The following CPSF7 variants were observed in gnomAD, a reference collection of about 807,000 sequenced individuals.
CPSF7 encodes the protein cleavage and polyadenylation specific factor 7.
Under a neutral mutation model 44.3 loss-of-function variants are expected in CPSF7, and 1 was observed. The ratio of observed to expected loss-of-function variants is 0.02; its 90% CI spans 0.01 to 0.11. CPSF7 has a LOEUF of 0.11. CPSF7 is among the 10% of genes least tolerant of loss of function. CPSF7 has a pLI of 1.00. For missense variants in CPSF7, 443 were observed against 607.2 expected (o/e 0.73, Z 2.84); for synonymous variants, 202 against 222.0 (o/e 0.91, Z 0.80).
intron 9 of CPSF7, among the ~76,000 whole-genome samples, chr11:61,409,859 G>T (rs1859692643): frequency 6.6e-6 from 1 of 152,036 alleles, no homozygotes; most frequent in Non-Finnish European, 1.5e-5. Flanking sequence ...TGTAGCCCCA[G>T]CTGCTGGGGA....
intron 7 of CPSF7, among the ~76,000 whole-genome samples, chr11:61,413,459 G>A (rs868768882): frequency 2.6e-5 from 4 of 151,610 alleles, no homozygotes; most frequent in Non-Finnish European, 5.9e-5. Flanking sequence ...GGTGAAACCC[G>A]GTCTCTACTA....
intron 5 of CPSF7, among the ~76,000 whole-genome samples, chr11:61,417,504 G>A (rs984374957): frequency 6.6e-6 from 1 of 152,220 alleles, no homozygotes; most frequent in Admixed American, 6.5e-5. Flanking sequence ...CTTGGAGATA[G>A]AAAGATGCCA....
chr11:61,421,120 A>G (rs934866496), intron 3 of CPSF7: 1 of 1,411,122 alleles, frequency 7.1e-7, no homozygotes, highest in African/African-American at 1.4e-5. Context: ...CTCGTCCCTC[A>G]GATGACCCTG....
In CPSF7 at chr11:61,411,832, T is replaced by G; in HGVS notation, c.1163A>C (p.Lys388Thr). The G allele has an allele frequency of 6.2e-7, 1 of 1,614,086 alleles. No homozygotes were observed. Among genetic ancestry groups the G allele is most frequent in the South Asian group, 1.1e-5 (1 of 91,078 alleles). ...ERCRVLISSL[K>T]DCLHGIEAKS... ...GGCTTCGATGCCATGAAGACAGTCC[T>G]TAAGAGAGGAGATGAGGACACGGCA... is the stretch of plus-strand genomic sequence containing the variant. Residue 388 changes from lysine to threonine, a missense_variant, in exon 8 of 10, where the codon AAG (lysine) becomes ACG (threonine). Physicochemically the swap from Lys to Thr is moderately conservative, Grantham distance 78. Coordinates refer to ENST00000439958, the MANE Select transcript of CPSF7 (RefSeq NM_001142565.3).
At position 61,416,505 on chromosome 11, in the gene CPSF7, C is replaced by A. The variant is rs775059418; in HGVS notation, c.538G>T (p.Ala180Ser). 1.1e-5 allele frequency: 18 copies of A among 1,613,938 alleles called. No individual in the cohort carries two copies. Among genetic ancestry groups the A allele is most frequent in the South Asian group, 2.2e-5 (2 of 91,074 alleles). The change falls in exon 6 of 10, where the codon GCC (alanine) becomes TCC (serine). Residue 180 changes from alanine to serine, a missense_variant. Transcript: ENST00000439958. ...GAATCACTAGAATCTCGGGAATGGGCCCGTGGAGGTATTCCTATGAAGCAA... is the reference window on the plus strand; with the variant it reads ...GAATCACTAGAATCTCGGGAATGGGACCGTGGAGGTATTCCTATGAAGCAA... Reference protein sequence around the residue: ...AQARKRIPPRAHSRDSSDSAD... With the variant: ...AQARKRIPPRSHSRDSSDSAD...
At chr11:61,409,757 C>T (rs953341603) in intron 9 of CPSF7, among the ~76,000 whole-genome samples, 17 of 151,664 alleles carry the variant, frequency 1.1e-4, no homozygotes, top group South Asian at 6.2e-4. Context: ...GGGCTGATCA[C>T]GAAGTCAGGA....
chr11:61,422,101 G>C (rs1047541483), intron 2 of CPSF7, among the ~76,000 whole-genome samples: 2 of 152,174 alleles, frequency 1.3e-5, no homozygotes, highest in Non-Finnish European at 1.5e-5. Flanking sequence ...GTACAAAAAT[G>C]CAGAAAAGAT....
In CPSF7 at chr11:61,420,058, G is replaced by A. The variant is rs754888784; in HGVS notation, c.414C>T (p.Val138=). The A allele has an allele frequency of 6.2e-7, 1 of 1,614,092 alleles. No individual in the cohort carries two copies. The highest frequency in any genetic ancestry group is 8.5e-7 in the Non-Finnish European group (1 of 1,179,972). Reference sequence around the variant, plus strand: ...CTGGTAGGAGTTCCAACAATTTGTGGACAGAGTTTTCAGAGGCTACCACCA... The same window carrying A: ...CTGGTAGGAGTTCCAACAATTTGTGAACAGAGTTTTCAGAGGCTACCACCA... The part of the protein sequence containing the change: ...AEVVVASENS[V]HKLLELLPGK... Residue 138 remains valine (V), a synonymous_variant, in exon 5 of 10, where the codon GTC becomes GTT. Transcript: ENST00000439958.
intron 6 of CPSF7, 157 bp from the exon 7 acceptor site, chr11:61,415,941 G>C (rs1398685650): frequency 1.2e-6 from 1 of 824,194 alleles, no homozygotes; most frequent in Non-Finnish European, 1.9e-6. Context: ...ACCTTAAAAA[G>C]GGGTATAAAG....
chr11:61,429,732 C>G, intron 1 of CPSF7, 182 bp downstream of exon 1: 6 of 1,542,364 alleles, frequency 3.9e-6, no homozygotes, highest in Non-Finnish European at 4.4e-6. Flanking sequence ...CCCAGCTAGG[C>G]CCGCCCCGCT....
At chr11:61,422,805 A>AACT (rs980285234) in intron 2 of CPSF7, among the ~76,000 whole-genome samples, 2 of 152,052 alleles carry the variant, frequency 1.3e-5, no homozygotes, top group Non-Finnish European at 2.9e-5. Context: ...CTAAAACTAC[A>AACT]ACTACTACTA....
At chr11:61,409,174 A>C (rs2135260116) in intron 9 of CPSF7, among the ~76,000 whole-genome samples, 1 of 151,968 alleles carries the variant, frequency 6.6e-6, no homozygotes, top group African/African-American at 2.4e-5. Context: ...AAAACAAAAC[A>C]AAACAAAACA....
intron 2 of CPSF7, among the ~76,000 whole-genome samples, chr11:61,423,132 G>GAAT (rs1320881290): frequency 4.9e-5 from 5 of 101,840 alleles, no homozygotes; most frequent in African/African-American, 3.7e-5. Context: ...AAAAAAAAAG[G>GAAT]GTTCAGGATT....
intron 2 of CPSF7, among the ~76,000 whole-genome samples, chr11:61,425,301 C>T (rs1000040511): frequency 2.0e-5 from 3 of 152,044 alleles, no homozygotes; most frequent in African/African-American, 4.8e-5. Context: ...AGTTAAGGGC[C>T]GGAGATTTTT....
intron 2 of CPSF7, among the ~76,000 whole-genome samples, chr11:61,426,034 CA>C (rs1219333696): frequency 6.6e-6 from 1 of 152,184 alleles, no homozygotes; most frequent in Admixed American, 6.5e-5. Flanking sequence ...CTCCCTGGCC[CA>C]AGAGAGCCAA....
chr11:61,416,463 T>A lies in CPSF7; in HGVS notation c.580A>T (p.Thr194Ser). 1 of 1,614,060 alleles carries A rather than the reference T, an allele frequency of 6.2e-7. No individual in the cohort carries two copies. ...DSSDSADGRA[T>S]PSENLVPSSA... ...GAGGGTACAAGGTTCTCAGAGGGTGTGGCCCGTCCATCAGCAGAATCACTA... is the reference window on the plus strand; with the variant it reads ...GAGGGTACAAGGTTCTCAGAGGGTGAGGCCCGTCCATCAGCAGAATCACTA... Residue 194 changes from threonine (T) to serine (S), a missense_variant, in exon 6 of 10, where the codon ACA becomes TCA. Transcript: ENST00000439958.
intron 9 of CPSF7, among the ~76,000 whole-genome samples, chr11:61,406,374 C>T (rs903414015): frequency 1.3e-5 from 2 of 152,186 alleles, no homozygotes; most frequent in African/African-American, 2.4e-5. Flanking sequence ...TGATTCATTT[C>T]TAACTAAAAG....
Position 61,411,789 on chromosome 11 carries a change from A to C in CPSF7, c.1206T>G (p.Gly402=). 1 of 1,612,920 alleles carries C rather than the reference A, an allele frequency of 6.2e-7. No homozygotes were observed. Among genetic ancestry groups the C allele is most frequent in the Non-Finnish European group, 8.5e-7 (1 of 1,179,622 alleles). ...CTCACCTGGAAGAGCTCCCACTGGC[A>C]CCCACACTGTAGGACTTGGCTTCGA... The part of the protein sequence containing the change: ...HGIEAKSYSV[G]ASGSSSRKRH... The change falls in exon 8 of 10, where the codon GGT becomes GGG. Residue 402 remains glycine (G), a synonymous_variant. Coordinates refer to ENST00000439958, the MANE Select transcript of CPSF7 (RefSeq NM_001142565.3).
chr11:61,420,384 G>T, intron 4 of CPSF7, 86 bp downstream of exon 4: 3 of 1,244,150 alleles, frequency 2.4e-6, no homozygotes, highest in South Asian at 1.3e-5. Context: ...GGGTGGGAGT[G>T]ATTAAAATCC....
Sources: allele counts gnomAD v4.1 joint callset (sites outside exome capture counted in the v4.1 genomes callset), GRCh38; gene constraint gnomAD v4.1.1; transcripts MANE v1.5; gene names NCBI Gene and HGNC (gene_info 2026-07-23, HGNC 2026-07-21).